MIPEP: variants seen among roughly 807,000 people sequenced by gnomAD.
MIPEP encodes the protein mitochondrial intermediate peptidase.
Under a neutral mutation model 90.3 loss-of-function variants are expected in MIPEP, and 79 were observed. The observed-to-expected ratio is 0.87, with a 90% CI of 0.73 to 1.05. The LOEUF is 1.05. MIPEP is among the 50% of genes least tolerant of loss of function. MIPEP has a pLI of 0.00. For synonymous variants in MIPEP, 334 were observed against 315.8 expected, an observed-to-expected ratio of 1.06 and a Z score of -0.61; for missense variants, 940 against 905.6, an observed-to-expected ratio of 1.04 and a Z score of -0.49.
At chr13:23,770,250 G>GA (rs1952634337) in intron 16 of MIPEP, among the ~76,000 whole-genome samples, 1 of 152,142 alleles carries the variant, frequency 6.6e-6, no homozygotes, top group Admixed American at 6.5e-5. Context: ...CTGTGCTCCA[G>GA]ACATGCCACT....
At chr13:23,767,238 C>T (rs889328167) in intron 16 of MIPEP, among the ~76,000 whole-genome samples, 1 of 152,192 alleles carries the variant, frequency 6.6e-6, no homozygotes, top group East Asian at 1.9e-4. Context: ...TGTGTTGACT[C>T]CTGATCCAAA....
At chr13:23,849,347 C>T (rs193125937) in intron 10 of MIPEP, among the ~76,000 whole-genome samples, 2 of 152,346 alleles carry the variant, frequency 1.3e-5, no homozygotes, top group East Asian at 3.9e-4. Flanking sequence ...GAGGATTTGG[C>T]TTCAGTGCCA....
At chr13:23,886,913 C>A (rs1359625508) in intron 1 of MIPEP, among the ~76,000 whole-genome samples, 2 of 151,812 alleles carry the variant, frequency 1.3e-5, no homozygotes, top group Non-Finnish European at 2.9e-5. Context: ...TAGCTTATAA[C>A]CCTGGTCATG....
chr13:23,878,974 T>C (rs1871175686), intron 4 of MIPEP, among the ~76,000 whole-genome samples: 1 of 152,166 alleles, frequency 6.6e-6, no homozygotes, highest in South Asian at 2.1e-4. Flanking sequence ...CTCAAGGAGC[T>C]TGCAGTCTGG....
chr13:23,741,134 G>A (rs964081436), intron 18 of MIPEP, among the ~76,000 whole-genome samples: 1 of 152,144 alleles, frequency 6.6e-6, no homozygotes, highest in Admixed American at 6.5e-5. Context: ...TTGTACACCA[G>A]TCACAATGGT....
chr13:23,864,870 A>G (rs901715769), intron 7 of MIPEP, among the ~76,000 whole-genome samples: 3 of 152,162 alleles, frequency 2.0e-5, no homozygotes, highest in Admixed American at 1.3e-4. Context: ...TTAAAGAGAT[A>G]TCTAGACTGC....
At chr13:23,813,515 A>G (rs1240683953) in intron 14 of MIPEP, among the ~76,000 whole-genome samples, 2 of 152,240 alleles carry the variant, frequency 1.3e-5, no homozygotes, top group Non-Finnish European at 2.9e-5. Context: ...CATGTTCAGT[A>G]CCGACACAAC....
intron 1 of MIPEP, chr13:23,888,254 T>A (rs1451950851): frequency 3.9e-6 from 1 of 255,824 alleles, no homozygotes; most frequent in Non-Finnish European, 7.7e-6. Context: ...AGGAAGGTGG[T>A]GTAGCAAATT....
chr13:23,833,581 G>A (rs1868870717), intron 14 of MIPEP, among the ~76,000 whole-genome samples: 1 of 152,164 alleles, frequency 6.6e-6, no homozygotes, highest in Non-Finnish European at 1.5e-5. Context: ...TAAGAATACA[G>A]GCATTGAGAA....
At chr13:23,873,248 C>A (rs1457693995) in intron 5 of MIPEP, among the ~76,000 whole-genome samples, 1 of 152,222 alleles carries the variant, frequency 6.6e-6, no homozygotes, top group African/African-American at 2.4e-5. Context: ...GAGGGGCTGA[C>A]AGCCGGAGCA....
At chr13:23,762,186 T>A (rs1321907106) in intron 16 of MIPEP, among the ~76,000 whole-genome samples, 1 of 152,106 alleles carries the variant, frequency 6.6e-6, no homozygotes, top group Non-Finnish European at 1.5e-5. Context: ...ACTTTTTTTT[T>A]AACCATGATA....
At chr13:23,837,361 CAAGCATGGAAAA>C (rs1265302181) in intron 13 of MIPEP, among the ~76,000 whole-genome samples, 179 bp downstream of exon 13, 1 of 152,062 alleles carries the variant, frequency 6.6e-6, no homozygotes, top group African/African-American at 2.4e-5. Context: ...AAGCTGTTAG[CAAGCATGGAAAA>C]AAGCATGGAA....
chr13:23,874,817 A>G, intron 5 of MIPEP, 29 bp downstream of exon 5: 1 of 1,552,556 alleles, frequency 6.4e-7, no homozygotes, highest in Non-Finnish European at 8.7e-7. Context: ...TAAAACTGGA[A>G]GAGTCAAAAA....
Position 23,862,366 on chromosome 13 carries a change from T to C in MIPEP, c.993-4A>G. 1.9e-6 allele frequency: 3 copies of C among 1,557,580 alleles called. No homozygotes were observed. Among genetic ancestry groups the C allele is most frequent in the South Asian group, 1.2e-5 (1 of 85,768 alleles). ...CATCTCAAAATCTTTCAGAGTTCTA[T>C]AAAACAGGTTTATCATTACTTGTTA... On this transcript the variant is annotated splice_polypyrimidine_tract_variant and splice_region_variant and intron_variant, in intron 8 of 18. Transcript: ENST00000382172.
chr13:23,801,268 T>C (rs1244904997), intron 16 of MIPEP, among the ~76,000 whole-genome samples: 1 of 152,150 alleles, frequency 6.6e-6, no homozygotes, highest in Non-Finnish European at 1.5e-5. Context: ...TGGATCTTGC[T>C]CATCATCCCA....
Position 23,881,692 on chromosome 13 carries a change from C to T in MIPEP, c.452+7G>A, listed in dbSNP as rs1593209607. On this transcript the variant is annotated splice_region_variant and intron_variant, in intron 3 of 18. Coordinates refer to ENST00000382172, the MANE Select transcript of MIPEP (RefSeq NM_005932.4). Reference sequence around the variant, plus strand: ...GGCATGGAGGTGGGGAGGGGAACAGCACATACTTCTCTACCATGGTGCCAA... The same window carrying T: ...GGCATGGAGGTGGGGAGGGGAACAGTACATACTTCTCTACCATGGTGCCAA... 6.2e-7 allele frequency: 1 copy of T among 1,610,206 alleles called. No homozygotes were observed. Among genetic ancestry groups the T allele is most frequent in the Non-Finnish European group, 8.5e-7 (1 of 1,176,696 alleles).
At chr13:23,745,374 G>A (rs1171535724) in intron 18 of MIPEP, among the ~76,000 whole-genome samples, 1 of 152,166 alleles carries the variant, frequency 6.6e-6, no homozygotes, top group Non-Finnish European at 1.5e-5. Context: ...TCTTGTAAAT[G>A]CTCTTTCAGG....
At chr13:23,796,234 T>C (rs1195238000) in intron 16 of MIPEP, among the ~76,000 whole-genome samples, 1 of 152,028 alleles carries the variant, frequency 6.6e-6, no homozygotes, top group Admixed American at 6.6e-5. Context: ...GCCTGGCCAA[T>C]ATGGCGAAAC....
At chr13:23,752,603 TA>T (rs1952453090) in intron 18 of MIPEP, among the ~76,000 whole-genome samples, 2 of 152,222 alleles carry the variant, frequency 1.3e-5, no homozygotes, top group Admixed American at 1.3e-4. Context: ...TAAGTTATCT[TA>T]TTACTCAGAA....
Sources: gnomAD v4.1 joint callset for allele counts (sites outside exome capture counted in the v4.1 genomes callset) on GRCh38, gnomAD v4.1.1 for gene constraint, MANE v1.5 for transcripts, NCBI Gene and HGNC (gene_info 2026-07-23, HGNC 2026-07-21) for gene names.